RFC3: variants seen among roughly 807,000 people sequenced by gnomAD.
RFC3 encodes replication factor C subunit 3.
A neutral mutation model predicts 45.1 loss-of-function variants in RFC3; 41 were observed. That is an observed-to-expected ratio of 0.91 (90% confidence interval 0.71 to 1.18). The LOEUF (loss-of-function observed/expected upper bound fraction) is 1.18. RFC3 is among the 50% of genes most tolerant of loss of function. The probability of loss-of-function intolerance (pLI) is 0.00; values close to 1 mark genes in which losing one functional copy is unlikely to be tolerated. For synonymous variants in RFC3, 149 were observed against 144.0 expected, an observed-to-expected ratio of 1.03 and a Z score of -0.25; for missense variants, 423 against 428.1, an observed-to-expected ratio of 0.99 and a Z score of 0.10.
At chr13:33,819,575 CTCTT>C (rs1211136826) in intron 1 of RFC3, among the ~76,000 whole-genome samples, 1 of 151,484 alleles carries the variant, frequency 6.6e-6, no homozygotes, top group Non-Finnish European at 1.5e-5. Flanking sequence ...TTTTTTTGGT[CTCTT>C]TATTGATACT....
intron 8 of RFC3, among the ~76,000 whole-genome samples, chr13:33,926,731 A>G (rs2082816261): frequency 6.6e-6 from 1 of 151,330 alleles, no homozygotes; most frequent in Admixed American, 6.6e-5. Context: ...TGGGGAAATT[A>G]CTTGAATAAG....
intron 8 of RFC3, among the ~76,000 whole-genome samples, chr13:33,858,692 G>A (rs558057132): frequency 8.0e-4 from 121 of 152,112 alleles, no homozygotes; most frequent in Non-Finnish European, 1.5e-3. Context: ...GCATATGATT[G>A]CACTGATTAA....
chr13:33,927,247 A>C (rs986416245), intron 8 of RFC3, among the ~76,000 whole-genome samples: 1 of 151,554 alleles, frequency 6.6e-6, no homozygotes, highest in Non-Finnish European at 1.5e-5. Flanking sequence ...AAAAAAAAAA[A>C]AGATTTGCAA....
chr13:33,893,805 ACAGATTATTTGAAAATATGGTT>A (rs2082578811), intron 8 of RFC3, among the ~76,000 whole-genome samples: 1 of 152,116 alleles, frequency 6.6e-6, no homozygotes, highest in South Asian at 2.1e-4. Flanking sequence ...CACCTCAAAG[ACAGATTATTTGAAAATATGGTT>A]AGGAGAGAAA....
At chr13:33,875,974 A>G (rs77835164) in intron 8 of RFC3, among the ~76,000 whole-genome samples, 2 of 152,164 alleles carry the variant, frequency 1.3e-5, no homozygotes, top group Non-Finnish European at 2.9e-5. Flanking sequence ...GGCACATAGT[A>G]TGTGTTTCAT....
chr13:33,889,386 A>AC (rs2082549232), intron 8 of RFC3, among the ~76,000 whole-genome samples: 1 of 152,182 alleles, frequency 6.6e-6, no homozygotes, highest in African/African-American at 2.4e-5. Flanking sequence ...AATTTAGTAA[A>AC]CAAATACCCT....
At chr13:33,891,458 G>A (rs2082562734) in intron 8 of RFC3, among the ~76,000 whole-genome samples, 1 of 152,122 alleles carries the variant, frequency 6.6e-6, no homozygotes, top group Non-Finnish European at 1.5e-5. Context: ...GAAAATACTG[G>A]CAGAAACCCT....
downstream of RFC3, among the ~76,000 whole-genome samples, chr13:33,838,711 T>C (rs2082175941): frequency 6.6e-6 from 1 of 152,132 alleles, no homozygotes; most frequent in Non-Finnish European, 1.5e-5. Context: ...AAGTATTTGT[T>C]AAACATCTGG....
intron 8 of RFC3, among the ~76,000 whole-genome samples, chr13:33,952,344 A>G (rs527431957): frequency 1.3e-5 from 2 of 152,356 alleles, no homozygotes; most frequent in African/African-American, 2.4e-5. Context: ...ACTACTGATA[A>G]TGGAAGCAAC....
intron 8 of RFC3, chr13:33,847,026 C>G (rs780038113): frequency 6.6e-6 from 1 of 152,228 alleles, no homozygotes; most frequent in African/African-American, 2.4e-5. Context: ...CTCCCTCTCC[C>G]GAGTAGCTGG....
chr13:33,852,696 T>TA (rs1159433557), intron 8 of RFC3, among the ~76,000 whole-genome samples: 3 of 152,194 alleles, frequency 2.0e-5, no homozygotes, highest in African/African-American at 7.2e-5. Flanking sequence ...TATAAAGACT[T>TA]ATAATAGTTT....
intron 8 of RFC3, among the ~76,000 whole-genome samples, chr13:33,891,817 A>G (rs1289756199): frequency 6.6e-6 from 1 of 152,178 alleles, no homozygotes; most frequent in Non-Finnish European, 1.5e-5. Context: ...AAGAATATAT[A>G]TATATTTGCA....
intron 8 of RFC3, among the ~76,000 whole-genome samples, chr13:33,954,369 C>T (rs748026372): frequency 6.6e-6 from 1 of 152,148 alleles, no homozygotes; most frequent in African/African-American, 2.4e-5. Flanking sequence ...ATGGTCATTT[C>T]ATCAAATGTC....
chr13:33,922,606 TAA>T (rs1489631838), intron 8 of RFC3, among the ~76,000 whole-genome samples: 1 of 152,050 alleles, frequency 6.6e-6, no homozygotes, highest in East Asian at 1.9e-4. Flanking sequence ...TTCAAATAAA[TAA>T]AAAAAGTCTT....
At chr13:33,945,159 C>T (rs2082947340) in intron 8 of RFC3, among the ~76,000 whole-genome samples, 2 of 152,134 alleles carry the variant, frequency 1.3e-5, no homozygotes, top group African/African-American at 4.8e-5. Context: ...TGGCCTTTGC[C>T]TCATATTCTT....
intron 8 of RFC3, among the ~76,000 whole-genome samples, chr13:33,908,258 A>G (rs1209099773): frequency 2.6e-5 from 4 of 152,086 alleles, no homozygotes; most frequent in East Asian, 3.9e-4. Flanking sequence ...TAGAAGAGAG[A>G]GACATGATGC....
chr13:33,884,095 G>A (rs1386512827), intron 8 of RFC3, among the ~76,000 whole-genome samples: 5 of 152,126 alleles, frequency 3.3e-5, no homozygotes, highest in Non-Finnish European at 5.9e-5. Context: ...CTACACAAAT[G>A]GATAATTAGC....
rs182945393 is a variant in RFC3, at chr13:33,916,138, G to T, written c.880-49949G>T. On this transcript the variant is annotated intron_variant, in intron 8 of 8. Coordinates refer to the RFC3 transcript ENST00000434425. ...TTCTAAATGACAGAGCTTCATTAGG[G>T]TTAGACATTTGTGAGGAACATGCTT... Among the ~76,000 whole-genome samples the T allele has an allele frequency of 1.9e-3, 296 of 152,274 alleles. 2 individuals are homozygous for T. Among genetic ancestry groups the T allele is most frequent in the African/African-American group, 6.8e-3 (282 of 41,568 alleles).
In RFC3 at chr13:33,836,459, T is replaced by C. The variant is rs55879221; in HGVS notation, c.*164T>C. 256 of 1,425,724 alleles carry C rather than the reference T, an allele frequency of 1.8e-4. 1 individual carries two copies. In the African/African-American group the frequency reaches 3.5e-3, roughly 19 times the overall value. The allele number at this position is 1,425,724 out of a possible 1,614,324, so 88.3% of individuals were successfully genotyped here. The stretch of plus-strand genomic sequence containing the variant: ...TTAATCATCCTCTGAGTTAAATAAT[T>C]GCTCCTATACTATTGAAGTATGTAG... On this transcript the variant is annotated 3_prime_UTR_variant, in exon 9 of 9. Coordinates refer to ENST00000380071, the MANE Select transcript of RFC3 (RefSeq NM_002915.4).
Sources: gnomAD v4.1 joint callset for allele counts (sites outside exome capture counted in the v4.1 genomes callset) on GRCh38, gnomAD v4.1.1 for gene constraint, MANE v1.5 for transcripts, NCBI Gene and HGNC (gene_info 2026-07-23, HGNC 2026-07-21) for gene names.